RNF41: variants seen among roughly 807,000 people sequenced by gnomAD.
RNF41 encodes ring finger protein 41, also known as E3 ubiquitin-protein ligase NRDP1.
In RNF41, 4 loss-of-function variants were observed where a neutral mutation model predicts 33.0. The observed-to-expected ratio is 0.12, with a 90% CI of 0.06 to 0.28. The LOEUF is 0.28. RNF41 is among the 10% of genes least tolerant of loss of function. The pLI is 1.00. For synonymous variants in RNF41, 164 were observed against 153.2 expected, an observed-to-expected ratio of 1.07 and a Z score of -0.52; for missense variants, 228 against 432.6, an observed-to-expected ratio of 0.53 and a Z score of 4.19.
At chr12:56,212,438 T>C (rs60011575) in intron 3 of RNF41, among the ~76,000 whole-genome samples, 4,784 of 152,224 alleles carry the variant, frequency 0.031, 253 homozygotes, top group African/African-American at 0.11. Context: ...GCTCTGCTCC[T>C]CAGAAGATAA....
At chr12:56,208,573 AT>A (rs973048577) in intron 4 of RNF41, 53 of 215,412 alleles carry the variant, frequency 2.5e-4, no homozygotes, top group East Asian at 3.2e-4. Context: ...TATTTTTATT[AT>A]TTTTTTTGAC....
intron 4 of RNF41, chr12:56,210,037 T>C (rs998652635): frequency 3.2e-5 from 16 of 504,912 alleles, no homozygotes; most frequent in South Asian, 1.3e-4. Context: ...AAGGGAAGAA[T>C]AGAGTCAATC....
chr12:56,211,433 A>G (rs1868468811), intron 3 of RNF41, among the ~76,000 whole-genome samples: 1 of 152,092 alleles, frequency 6.6e-6, no homozygotes, highest in South Asian at 2.1e-4. Context: ...TTATATAACA[A>G]TAAGAGATAC....
intron 6 of RNF41, chr12:56,207,158 T>C: frequency 7.6e-7 from 1 of 1,318,480 alleles, no homozygotes; most frequent in Non-Finnish European, 9.9e-7. Flanking sequence ...ATATATTGAT[T>C]CACACTTACA....
Position 56,206,848 on chromosome 12 carries a change from G to T in RNF41, c.603-50C>A. 7.3e-7 allele frequency: 1 copy of T among 1,378,942 alleles called. No individual in the cohort carries two copies. 85.4% of individuals were successfully genotyped at this position (1,378,942 alleles called of 1,614,324 possible). ...TCATTCCAGCTCATCTCCTTTCTCTGTATTGGCTTTTTCTGCTAATAGAAA... is the reference window on the plus strand; with the variant it reads ...TCATTCCAGCTCATCTCCTTTCTCTTTATTGGCTTTTTCTGCTAATAGAAA... On this transcript the variant is annotated intron_variant, in intron 6 of 6. Transcript: ENST00000345093. This position sits in a 1 kb window ranked among gnomAD's most constrained non-coding sequence, Gnocchi z 5.7.
chr12:56,216,272 G>C (rs998974529), intron 2 of RNF41, among the ~76,000 whole-genome samples, 157 bp downstream of exon 2: 1 of 152,234 alleles, frequency 6.6e-6, no homozygotes, highest in African/African-American at 2.4e-5. Context: ...TATGTAAGTT[G>C]TAAATATACA....
intron 4 of RNF41, 87 bp downstream of exon 4, chr12:56,210,207 ACCT>A (rs1565942272): frequency 1.4e-6 from 2 of 1,384,964 alleles, no homozygotes; most frequent in South Asian, 2.6e-5. Context: ...TGCCAAAGAG[ACCT>A]CCTCAGCTAG....
chr12:56,210,052 T>C, intron 4 of RNF41: 1 of 549,664 alleles, frequency 1.8e-6, no homozygotes, highest in African/African-American at 1.9e-5. Flanking sequence ...TCAATCAAGC[T>C]TTAATGTTAT....
In RNF41 at chr12:56,206,904, T is replaced by G. The variant is rs1565940213; in HGVS notation, c.603-106A>C. The stretch of plus-strand genomic sequence containing the variant: ...ACCCACTCTGCACTCAGCTTACCTA[T>G]TCTTCCTTCTTTCCTTCCATCATTG... On this transcript the variant is annotated intron_variant, in intron 6 of 6. Transcript: ENST00000345093. This position sits in a 1 kb window ranked among gnomAD's most constrained non-coding sequence, Gnocchi z 5.7. The G allele has an allele frequency of 3.1e-6, 3 of 965,586 alleles. No homozygotes were observed. Among genetic ancestry groups the G allele is most frequent in the Non-Finnish European group, 1.5e-6 (1 of 664,670 alleles). The allele number at this position is 965,586 out of a possible 1,614,324, so 59.8% of individuals were successfully genotyped here. A position where few individuals can be genotyped will look rare whatever the true frequency, so the allele number is the denominator to read the frequency against.
intron 3 of RNF41, 60 bp downstream of exon 3, chr12:56,213,898 T>C (rs1868662098): frequency 3.7e-6 from 4 of 1,090,964 alleles, no homozygotes; most frequent in South Asian, 2.5e-5. Flanking sequence ...CCCATGAATA[T>C]TTTCTACTAG....
At chr12:56,211,748 G>A (rs571861773) in intron 3 of RNF41, among the ~76,000 whole-genome samples, 40 of 148,382 alleles carry the variant, frequency 2.7e-4, no homozygotes, top group Admixed American at 1.3e-3. Context: ...TGAGGTGGGC[G>A]GATAATGAGG....
rs1300643857 is a variant in RNF41, at chr12:56,206,493, T to A, written c.908A>T (p.Glu303Val). 1 of 1,614,188 alleles carries A rather than the reference T, an allele frequency of 6.2e-7. No individual in the cohort carries two copies. The highest frequency in any genetic ancestry group is 8.5e-7 in the Non-Finnish European group (1 of 1,180,032). Residue 303 changes from glutamate to valine, a missense_variant, in exon 7 of 7, where the codon GAG (glutamate) becomes GTG (valine). Around this residue, in one of 2 missense-constraint regions of RNF41, gnomAD observed 199 missense variants for 334.6 expected, o/e 0.59. Coordinates refer to ENST00000345093, the MANE Select transcript of RNF41 (RefSeq NM_005785.4). This position sits in a 1 kb window ranked among gnomAD's most constrained non-coding sequence, Gnocchi z 5.7. ...NQHMGDDMVQ[E>V]PGLVMIFAHG... Reference sequence around the variant, plus strand: ...CGCAAATATCATGACAAGGCCTGGCTCTTGCACCATGTCATCCCCCATGTG... The same window carrying A: ...CGCAAATATCATGACAAGGCCTGGCACTTGCACCATGTCATCCCCCATGTG...
intron 6 of RNF41, chr12:56,207,018 G>A: frequency 1.7e-6 from 2 of 1,144,948 alleles, no homozygotes; most frequent in Non-Finnish European, 2.4e-6. Context: ...TCTGCACTCT[G>A]TCTCTGTTAC....
At chr12:56,215,492 A>G (rs1165081451) in intron 2 of RNF41, among the ~76,000 whole-genome samples, 3 of 150,926 alleles carry the variant, frequency 2.0e-5, no homozygotes, top group Non-Finnish European at 4.4e-5. Context: ...AGGCTGAGGC[A>G]GACGGATCAT....
chr12:56,220,018 A>AAAT (rs1869232115), intron 1 of RNF41, among the ~76,000 whole-genome samples: 2 of 139,298 alleles, frequency 1.4e-5, no homozygotes, highest in Non-Finnish European at 3.1e-5. Flanking sequence ...CCCTGTCTCA[A>AAAT]AAATAAATAA....
chr12:56,216,149 C>A (rs1436586942), intron 2 of RNF41, among the ~76,000 whole-genome samples: 2 of 151,820 alleles, frequency 1.3e-5, no homozygotes, highest in African/African-American at 4.8e-5. Context: ...AACACATAAT[C>A]CTTGTCCTCA....
At chr12:56,218,853 G>A (rs988157300) in intron 1 of RNF41, among the ~76,000 whole-genome samples, 1 of 151,608 alleles carries the variant, frequency 6.6e-6, no homozygotes, top group Admixed American at 6.6e-5. Flanking sequence ...ACAGGCATGT[G>A]CCACCATGCT....
rs375115318 is a variant in RNF41 at position 56,208,148 on chromosome 12, T to C, written c.498+15A>G. ...CATATGAGGGATATGTTCTCCCCCGTGTCTTGGGGCCTACCTGCTCCGCCA... is the reference window on the plus strand; with the variant it reads ...CATATGAGGGATATGTTCTCCCCCGCGTCTTGGGGCCTACCTGCTCCGCCA... On this transcript the variant is annotated intron_variant, in intron 5 of 6. Transcript: ENST00000345093. 1.1e-4 allele frequency: 183 copies of C among 1,614,060 alleles called. No homozygotes were observed. The highest frequency in any genetic ancestry group is 1.5e-4 in the Non-Finnish European group (176 of 1,180,038).
intron 4 of RNF41, chr12:56,208,520 A>G (rs1034663013): frequency 3.0e-5 from 13 of 427,834 alleles, no homozygotes; most frequent in African/African-American, 1.6e-4. Context: ...TTCCCCAATC[A>G]AGACACAGTG....
Sources: gnomAD v4.1 joint callset for allele counts (sites outside exome capture counted in the v4.1 genomes callset) on GRCh38, gnomAD v4.1.1 for gene constraint, gnomAD v4.1.1 regional missense constraint, Gnocchi (gnomAD v3.1) non-coding constraint, MANE v1.5 for transcripts, NCBI Gene and HGNC (gene_info 2026-07-23, HGNC 2026-07-21) for gene names.